CA10: variants seen among roughly 807,000 people sequenced by gnomAD.
The protein encoded by CA10 is carbonic anhydrase-related protein 10.
A neutral mutation model predicts 44.2 loss-of-function variants in CA10; 14 were observed. The ratio of observed to expected loss-of-function variants is 0.32; its 90% confidence interval spans 0.21 to 0.50. CA10 has a LOEUF of 0.50. Among genes scored for constraint, CA10 ranks in the 20% least tolerant of loss-of-function variants. The pLI is 0.99. For missense variants in CA10, 350 were observed against 409.7 expected, an observed-to-expected ratio of 0.85 and a Z score of 1.26; for synonymous variants, 159 against 141.6, an observed-to-expected ratio of 1.12 and a Z score of -0.87.
At chr17:52,112,020 A>G (rs1988797414) in intron 1 of CA10, among the ~76,000 whole-genome samples, 1 of 152,104 alleles carries the variant, frequency 6.6e-6, no homozygotes. Flanking sequence ...GGAAATGGGG[A>G]TTTTATACAT....
At chr17:51,956,881 C>T (rs1007673109) in intron 2 of CA10, among the ~76,000 whole-genome samples, 2 of 152,054 alleles carry the variant, frequency 1.3e-5, no homozygotes, top group Middle Eastern at 3.4e-3. Context: ...GCTACAGGGG[C>T]CCTTTAGCGT....
chr17:51,946,798 G>A (rs1983291097), intron 2 of CA10, among the ~76,000 whole-genome samples: 1 of 152,104 alleles, frequency 6.6e-6, no homozygotes, highest in African/African-American at 2.4e-5. Flanking sequence ...GCATGTTTTT[G>A]CGTCTTAATA....
At chr17:51,813,492 A>T (rs1039120374) in intron 3 of CA10, among the ~76,000 whole-genome samples, 3 of 152,152 alleles carry the variant, frequency 2.0e-5, no homozygotes, top group African/African-American at 7.2e-5. Context: ...GCACTTTCAG[A>T]TGATCAGGAC....
At chr17:52,097,989 C>T (rs76231282) in intron 1 of CA10, among the ~76,000 whole-genome samples, 1 of 152,152 alleles carries the variant, frequency 6.6e-6, no homozygotes, top group African/African-American at 2.4e-5. Flanking sequence ...CAGCGGAGGC[C>T]CCCCAATATT....
intron 2 of CA10, among the ~76,000 whole-genome samples, chr17:51,942,033 C>G (rs770600396): frequency 9.2e-5 from 14 of 152,044 alleles, no homozygotes; most frequent in Non-Finnish European, 1.9e-4. Flanking sequence ...CAAACCCTAC[C>G]ACATATTAAT....
intron 1 of CA10, among the ~76,000 whole-genome samples, chr17:52,090,376 A>C (rs545925729): frequency 1.3e-5 from 2 of 152,288 alleles, no homozygotes; most frequent in African/African-American, 4.8e-5. Context: ...TTATAAAGTT[A>C]TAATAACTAA....
intron 2 of CA10, among the ~76,000 whole-genome samples, chr17:52,044,215 C>G (rs1318527964): frequency 6.6e-6 from 1 of 152,080 alleles, no homozygotes; most frequent in Non-Finnish European, 1.5e-5. Context: ...TTTTTGATTA[C>G]TGGTTTCATC....
chr17:52,133,952 A>C (rs1184658433), intron 1 of CA10, among the ~76,000 whole-genome samples: 1 of 152,190 alleles, frequency 6.6e-6, no homozygotes, highest in Non-Finnish European at 1.5e-5. Flanking sequence ...GGGAGGCAGG[A>C]AGTGAGATCT....
At chr17:51,675,229 G>A (rs1369238308) in intron 4 of CA10, among the ~76,000 whole-genome samples, 1 of 152,150 alleles carries the variant, frequency 6.6e-6, no homozygotes, top group South Asian at 2.1e-4. Flanking sequence ...ATTCTGTATG[G>A]CCTGAGCAAT....
chr17:51,933,020 A>G (rs1037765277), intron 2 of CA10, among the ~76,000 whole-genome samples: 4 of 152,144 alleles, frequency 2.6e-5, no homozygotes, highest in African/African-American at 7.2e-5. Context: ...TCCGTAACGC[A>G]CACACAAGTG....
intron 2 of CA10, among the ~76,000 whole-genome samples, chr17:52,045,039 C>T (rs1986873685): frequency 6.6e-6 from 1 of 151,348 alleles, no homozygotes; most frequent in South Asian, 2.1e-4. Context: ...AAATGAAAAC[C>T]AGAACAAAGA....
At chr17:51,902,846 T>C (rs77928466) in intron 3 of CA10, among the ~76,000 whole-genome samples, 3,256 of 152,290 alleles carry the variant, frequency 0.021, 64 homozygotes, top group Middle Eastern at 0.037. Context: ...GATGCTTGTC[T>C]TCGGGTAGCT....
chr17:52,003,966 A>G (rs1323039142), intron 2 of CA10, among the ~76,000 whole-genome samples: 1 of 151,742 alleles, frequency 6.6e-6, no homozygotes, highest in African/African-American at 2.4e-5. Context: ...TTAACACAAC[A>G]CATAATAAGT....
chr17:51,811,894 A>T (rs1188393443), intron 3 of CA10, among the ~76,000 whole-genome samples: 1 of 152,202 alleles, frequency 6.6e-6, no homozygotes, highest in Non-Finnish European at 1.5e-5. Flanking sequence ...CCATTTCCTG[A>T]CAGCACACAG....
At chr17:51,663,937 G>A (rs187850794) in intron 4 of CA10, among the ~76,000 whole-genome samples, 55 of 152,230 alleles carry the variant, frequency 3.6e-4, no homozygotes, top group Admixed American at 1.3e-3. Flanking sequence ...TCTGTAGCTC[G>A]TATTCTTGTA....
chr17:52,153,720 A>G (rs1256675864), intron 1 of CA10, among the ~76,000 whole-genome samples: 2 of 152,188 alleles, frequency 1.3e-5, no homozygotes, highest in African/African-American at 4.8e-5. Flanking sequence ...AAACAAGTTG[A>G]TATGGAAAAA....
At chr17:52,036,387 A>G (rs9895240) in intron 2 of CA10, among the ~76,000 whole-genome samples, 151,124 of 152,298 alleles carry the variant, frequency 0.99, 74,992 homozygotes, top group East Asian at 1. Flanking sequence ...GCCTTCCAGA[A>G]GCTTGCAGTA....
At chr17:51,761,413 T>TC (rs755806233) in intron 3 of CA10, 22 of 152,320 alleles carry the variant, frequency 1.4e-4, no homozygotes, top group Admixed American at 5.9e-4. Context: ...TGTGTCCCAT[T>TC]ATCTAAATTA....
intron 2 of CA10, among the ~76,000 whole-genome samples, chr17:51,940,371 G>A (rs752142466): frequency 5.9e-5 from 9 of 152,124 alleles, no homozygotes; most frequent in South Asian, 2.1e-4. Flanking sequence ...CTACGGGACC[G>A]TAAACACCCA....
Sources: gnomAD v4.1 joint callset for allele counts (sites outside exome capture counted in the v4.1 genomes callset) on GRCh38, gnomAD v4.1.1 for gene constraint, MANE v1.5 for transcripts, NCBI Gene and HGNC (gene_info 2026-07-23, HGNC 2026-07-21) for gene names.